Variants in OPCML observed in about 807,000 individuals in gnomAD.
OPCML encodes the protein opioid binding protein/cell adhesion molecule like.
OPCML carries 13 observed loss-of-function variants against 37.8 expected under a neutral mutation model. The observed-to-expected ratio is 0.34, with a 90% CI of 0.22 to 0.55. The LOEUF (loss-of-function observed/expected upper bound fraction) is 0.55. Among genes scored for constraint, OPCML ranks in the 20% least tolerant of loss-of-function variants. The probability of loss-of-function intolerance (pLI) is 0.91; values close to 1 mark genes in which losing one functional copy is unlikely to be tolerated. For missense variants in OPCML, 341 were observed against 435.6 expected, an observed-to-expected ratio of 0.78 and a Z score of 1.93; for synonymous variants, 176 against 168.8, an observed-to-expected ratio of 1.04 and a Z score of -0.33.
chr11:132,662,583 A>G (rs1942031551), intron 2 of OPCML, among the ~76,000 whole-genome samples: 1 of 152,216 alleles, frequency 6.6e-6, no homozygotes, highest in East Asian at 1.9e-4. Context: ...ATGTCTAGAT[A>G]TATTTGTTTC....
At chr11:132,544,779 G>A (rs1159008173) in intron 3 of OPCML, among the ~76,000 whole-genome samples, 3 of 152,236 alleles carry the variant, frequency 2.0e-5, no homozygotes, top group South Asian at 2.1e-4. Flanking sequence ...AAGCTGGGTC[G>A]TCATTTCCCA....
chr11:133,251,836 G>A (rs1206640562), intron 1 of OPCML, among the ~76,000 whole-genome samples: 1 of 152,210 alleles, frequency 6.6e-6, no homozygotes, highest in East Asian at 1.9e-4. Flanking sequence ...GTTGCCCAGA[G>A]AGGAAGGGTA....
At chr11:133,114,794 T>G (rs1320317811) in intron 1 of OPCML, among the ~76,000 whole-genome samples, 1 of 152,194 alleles carries the variant, frequency 6.6e-6, no homozygotes, top group Non-Finnish European at 1.5e-5. Context: ...TAGGAGGAGT[T>G]AAGAGTCTCA....
At chr11:133,099,676 G>T (rs897569194) in intron 1 of OPCML, among the ~76,000 whole-genome samples, 10 of 152,044 alleles carry the variant, frequency 6.6e-5, no homozygotes, top group African/African-American at 2.4e-4. Flanking sequence ...TAGAGATGCT[G>T]AGCATTTTTT....
Position 132,460,258 on chromosome 11 carries a change from C to A in OPCML, c.506-22899G>T, listed in dbSNP as rs556284857. ...TGTGAGTTTGTGGCAGTGAGGAATG[C>A]AATGACTGCTAGCAAAGCCAATGAT... is the stretch of plus-strand genomic sequence containing the variant. On this transcript the variant is annotated intron_variant, in intron 4 of 7. Transcript: ENST00000524381. Among the ~76,000 whole-genome samples, 3 of 151,672 alleles carry A rather than the reference C, an allele frequency of 2.0e-5. No individual in the cohort carries two copies. The East Asian group carries it at 5.8e-4, about 29-fold the overall frequency.
intron 4 of OPCML, among the ~76,000 whole-genome samples, chr11:132,460,648 G>A (rs963103604): frequency 1.1e-4 from 16 of 152,176 alleles, no homozygotes; most frequent in Admixed American, 3.9e-4. Context: ...AAAGCATAGC[G>A]ACTTGGGGCT....
In OPCML at chr11:133,253,020, C is replaced by T. The variant is rs1043467913; in HGVS notation, c.61+279244G>A. Among the ~76,000 whole-genome samples, 10 of 151,898 alleles carry T rather than the reference C, an allele frequency of 6.6e-5. 1 individual carries two copies. Among genetic ancestry groups the T allele is most frequent in the South Asian group, 6.3e-4 (3 of 4,792 alleles). ...AATTAGCTGGGCGTGGTGGTGGGCA[C>T]CGGTAATCCCAGCTACTCGGGAGGC... On this transcript the variant is annotated intron_variant, in intron 1 of 7. Transcript: ENST00000524381.
At chr11:132,980,033 T>C (rs1946548980) in intron 1 of OPCML, among the ~76,000 whole-genome samples, 1 of 152,158 alleles carries the variant, frequency 6.6e-6, no homozygotes, top group African/African-American at 2.4e-5. Flanking sequence ...TTAAGGAAAT[T>C]AGTTTTAGTT....
Position 132,419,417 on chromosome 11 carries a change from C to T in OPCML, c.*776G>A, listed in dbSNP as rs943659587. On this transcript the variant is annotated 3_prime_UTR_variant, in exon 8 of 8. Transcript: ENST00000524381. ...CTTGACAAAACCTAAATAAATCAGC[C>T]ACCTATCAATCACGTTTATGAGTTG... is the stretch of plus-strand genomic sequence containing the variant. 6.6e-6 allele frequency: 1 copy of T among 152,154 alleles called. No homozygotes were observed. Among genetic ancestry groups the T allele is most frequent in the African/African-American group, 2.4e-5 (1 of 41,440 alleles). 9.4% of individuals were successfully genotyped at this position (152,154 alleles called of 1,614,324 possible).
intron 2 of OPCML, among the ~76,000 whole-genome samples, chr11:132,802,961 T>C (rs1591631704): frequency 6.6e-6 from 1 of 152,158 alleles, no homozygotes; most frequent in Non-Finnish European, 1.5e-5. Context: ...GGTAGAAAAA[T>C]AAGAACCATA....
chr11:133,053,822 T>G (rs1415358557), intron 1 of OPCML, among the ~76,000 whole-genome samples: 2 of 152,102 alleles, frequency 1.3e-5, no homozygotes, highest in Admixed American at 1.3e-4. Flanking sequence ...GATACACACC[T>G]CTATTCCCAA....
intron 1 of OPCML, among the ~76,000 whole-genome samples, chr11:133,345,464 T>C (rs1260736650): frequency 6.6e-6 from 1 of 152,216 alleles, no homozygotes; most frequent in African/African-American, 2.4e-5. Context: ...TGAATAATCT[T>C]ACGGCAGTAA....
At chr11:133,218,623 T>C (rs1479170464) in intron 1 of OPCML, among the ~76,000 whole-genome samples, 1 of 152,114 alleles carries the variant, frequency 6.6e-6, no homozygotes, top group African/African-American at 2.4e-5. Flanking sequence ...GCCCAATTCA[T>C]TGGTGATGTC....
intron 1 of OPCML, among the ~76,000 whole-genome samples, chr11:132,957,282 A>G (rs1429059764): frequency 6.6e-6 from 1 of 152,148 alleles, no homozygotes; most frequent in Non-Finnish European, 1.5e-5. Context: ...CAGGCATTAG[A>G]AAGTCTCCAG....
At chr11:132,817,198 G>GA (rs1356917006) in intron 2 of OPCML, 2 of 152,196 alleles carry the variant, frequency 1.3e-5, no homozygotes, top group Non-Finnish European at 2.9e-5. Context: ...CAATCTTAAA[G>GA]AAAAAATATC....
intron 2 of OPCML, among the ~76,000 whole-genome samples, chr11:132,907,991 A>C (rs905480849): frequency 2.6e-5 from 4 of 152,178 alleles, no homozygotes; most frequent in Middle Eastern, 3.2e-3. Context: ...ATGAGTTCCA[A>C]AACATATTGT....
At chr11:132,745,220 C>T (rs1945574662) in intron 2 of OPCML, among the ~76,000 whole-genome samples, 1 of 152,126 alleles carries the variant, frequency 6.6e-6, no homozygotes, top group Non-Finnish European at 1.5e-5. Context: ...GCTTCTGAAC[C>T]TGTGGTTCAG....
chr11:133,483,789 C>G (rs1000035993), intron 1 of OPCML, among the ~76,000 whole-genome samples: 1 of 38,768 alleles, frequency 2.6e-5, no homozygotes, highest in South Asian at 7.2e-4. Flanking sequence ...TGGATAGATA[C>G]ATAGATGATA....
intron 1 of OPCML, among the ~76,000 whole-genome samples, chr11:133,460,000 G>T (rs55935810): frequency 2.6e-5 from 4 of 151,890 alleles, no homozygotes; most frequent in Non-Finnish European, 5.9e-5. Context: ...CATTGTAAAA[G>T]AATTGACATA....
Sources: allele counts gnomAD v4.1 joint callset (sites outside exome capture counted in the v4.1 genomes callset), GRCh38; gene constraint gnomAD v4.1.1; transcripts MANE v1.5; gene names NCBI Gene and HGNC (gene_info 2026-07-23, HGNC 2026-07-21).